Variants in NFX1 observed in about 807,000 individuals in gnomAD.
NFX1 encodes the protein nuclear transcription factor, X-box binding 1, also known as transcriptional repressor NF-X1.
A neutral mutation model predicts 137.2 loss-of-function variants in NFX1; 69 were observed. The observed-to-expected ratio is 0.50, with a 90% CI of 0.41 to 0.61. NFX1 has a LOEUF of 0.61. NFX1 is among the 20% of genes least tolerant of loss of function. NFX1 has a pLI of 0.00. For missense variants in NFX1, 1,167 were observed against 1,391.0 expected (o/e 0.84, Z 2.56); for synonymous variants, 495 against 474.1 (o/e 1.04, Z -0.57).
intron 6 of NFX1, among the ~76,000 whole-genome samples, chr9:33,313,265 A>G (rs1197422050): frequency 6.6e-6 from 1 of 152,114 alleles, no homozygotes; most frequent in African/African-American, 2.4e-5. Flanking sequence ...GAAAGACAGG[A>G]TGGAAAAGAA....
chr9:33,303,016 G>A (rs1251801002), intron 3 of NFX1, among the ~76,000 whole-genome samples, 175 bp from the exon 4 acceptor site: 1 of 142,256 alleles, frequency 7.0e-6, no homozygotes, highest in Non-Finnish European at 1.5e-5. Flanking sequence ...GGAAAATGCT[G>A]TATTCAAGCT....
intron 14 of NFX1, among the ~76,000 whole-genome samples, chr9:33,345,591 T>C (rs934866451): frequency 6.6e-6 from 1 of 152,246 alleles, no homozygotes; most frequent in Non-Finnish European, 1.5e-5. Context: ...TGTGCAAATA[T>C]ATATGTTTGC....
Position 33,342,781 on chromosome 9 carries a change from G to A in NFX1, c.2151G>A (p.Arg717=). Residue 717 remains arginine, a synonymous_variant, in exon 13 of 24, where the codon AGG becomes AGA. Coordinates refer to ENST00000379540, the MANE Select transcript of NFX1 (RefSeq NM_002504.6). Reference sequence around the variant, plus strand: ...ACAAGTGTCCTTTGATTTGTGGGAGGAAACTCCGTTGTGGCCTTCATAGGT... The same window carrying A: ...ACAAGTGTCCTTTGATTTGTGGGAGAAAACTCCGTTGTGGCCTTCATAGGT... The part of the protein sequence containing the change: ...KEHKCPLICG[R]KLRCGLHRCE... 6.2e-7 allele frequency: 1 copy of A among 1,613,800 alleles called. No individual in the cohort carries two copies. Among genetic ancestry groups the A allele is most frequent in the Non-Finnish European group, 8.5e-7 (1 of 1,179,906 alleles).
rs1047910022 is a variant in NFX1 at position 33,336,948 on chromosome 9, A to C, written c.2036-1562A>C. On this transcript the variant is annotated intron_variant, in intron 11 of 23. Transcript: ENST00000379540. ...GAAACCCCGTCTCTACTAAAAATACAAAAAATTAGCCGGCATGGTGGCAGG... is the reference window on the plus strand; with the variant it reads ...GAAACCCCGTCTCTACTAAAAATACCAAAAATTAGCCGGCATGGTGGCAGG... Among the ~76,000 whole-genome samples the C allele has an allele frequency of 7.9e-5, 12 of 152,240 alleles. 1 individual carries two copies. Among genetic ancestry groups the C allele is most frequent in the Admixed American group, 5.2e-4 (8 of 15,296 alleles).
Position 33,338,560 on chromosome 9 carries a change from C to T in NFX1, c.2086C>T (p.Arg696Trp), listed in dbSNP as rs186044438. 1.2e-5 allele frequency: 19 copies of T among 1,600,566 alleles called. No individual in the cohort carries two copies. The highest frequency in any genetic ancestry group is 5.4e-5 in the African/African-American group (4 of 73,786). Residue 696 changes from arginine to tryptophan, a missense_variant, in exon 12 of 24, where the codon CGG (arginine) becomes TGG (tryptophan). Coordinates refer to ENST00000379540, the MANE Select transcript of NFX1 (RefSeq NM_002504.6). ...KRCNKKRLCG[R>W]HKCNEICCVD... is the part of the protein sequence containing the mutation. The stretch of plus-strand genomic sequence containing the variant: ...GTGTAACAAGAAACGGTTGTGTGGA[C>T]GGCATAAATGTAATGAGATATGCTG...
intron 1 of NFX1, among the ~76,000 whole-genome samples, chr9:33,291,675 G>A (rs370398830): frequency 1.4e-4 from 22 of 152,304 alleles, no homozygotes; most frequent in African/African-American, 5.3e-4. Flanking sequence ...AGGCCGAGGT[G>A]GACGGATCAC....
chr9:33,359,409 G>C (rs895843748), intron 19 of NFX1, among the ~76,000 whole-genome samples: 5 of 151,986 alleles, frequency 3.3e-5, no homozygotes, highest in Non-Finnish European at 5.9e-5. Flanking sequence ...GACCAGCCTG[G>C]TCAACATGGT....
At chr9:33,310,469 T>A (rs1004464672) in intron 5 of NFX1, among the ~76,000 whole-genome samples, 2 of 152,228 alleles carry the variant, frequency 1.3e-5, no homozygotes, top group Non-Finnish European at 2.9e-5. Flanking sequence ...TTGGTCTCTA[T>A]AATATAGCTC....
chr9:33,317,419 C>CAAAAAAA (rs761378780), intron 7 of NFX1, among the ~76,000 whole-genome samples: 10 of 54,314 alleles, frequency 1.8e-4, no homozygotes, highest in African/African-American at 3.9e-4. Context: ...GCCCTGTCTC[C>CAAAAAAA]AAAAAAAAAA....
chr9:33,331,855 C>T (rs1435345034), intron 10 of NFX1, among the ~76,000 whole-genome samples: 1 of 152,198 alleles, frequency 6.6e-6, no homozygotes, highest in Non-Finnish European at 1.5e-5. Context: ...TGACTGACTT[C>T]CTTCCCACAC....
chr9:33,351,090 GC>G (rs1054436625), intron 15 of NFX1, among the ~76,000 whole-genome samples: 4 of 152,210 alleles, frequency 2.6e-5, no homozygotes, highest in Non-Finnish European at 5.9e-5. Flanking sequence ...GTTGCAGTGA[GC>G]CCCGAGATTG....
intron 10 of NFX1, 105 bp from the exon 11 acceptor site, chr9:33,332,367 A>C: frequency 9.3e-7 from 1 of 1,079,080 alleles, no homozygotes; most frequent in Non-Finnish European, 1.4e-6. Context: ...CTATCAGAGA[A>C]GTATGGGATA....
intron 19 of NFX1, among the ~76,000 whole-genome samples, chr9:33,360,332 T>C (rs1229524354): frequency 6.6e-6 from 1 of 152,228 alleles, no homozygotes; most frequent in Non-Finnish European, 1.5e-5. Context: ...CTTAAAAATC[T>C]AGAAATGATG....
At position 33,318,793 on chromosome 9, in the gene NFX1, G is replaced by C; in HGVS notation, c.1651G>C (p.Gly551Arg). The C allele has an allele frequency of 5.6e-6, 9 of 1,614,188 alleles. No individual in the cohort carries two copies. The highest frequency in any genetic ancestry group is 7.6e-6 in the Non-Finnish European group (9 of 1,180,040). ...TGGAACCGATGTAGGAAAGTCTGAT[G>C]GATTTGGGGATTTCAGCTGTTTAAA... The part of the protein sequence containing the change: ...LCGTDVGKSD[G>R]FGDFSCLKIC... Residue 551 changes from glycine to arginine, a missense_variant, in exon 8 of 24, where the codon GGA becomes CGA. Physicochemically the swap from Gly to Arg is moderately radical, Grantham distance 125. Around this residue, in one of 3 missense-constraint regions of NFX1, gnomAD observed 488 missense variants for 691.5 expected, o/e 0.71. Coordinates refer to ENST00000379540, the MANE Select transcript of NFX1 (RefSeq NM_002504.6).
In NFX1 at chr9:33,344,097, T is replaced by C; in HGVS notation, c.2253T>C (p.Gly751=). 6.2e-7 allele frequency: 1 copy of C among 1,614,096 alleles called. No individual in the cohort carries two copies. Among genetic ancestry groups the C allele is most frequent in the East Asian group, 2.2e-5 (1 of 44,880 alleles). ...TTGATGAATTAACCTGCCATTGTGG[T>C]GCATCAGTGATTTACCCTCCAGTTC... ...ASFDELTCHC[G]ASVIYPPVPC... The change falls in exon 14 of 24, where the codon GGT becomes GGC. Residue 751 remains glycine, a synonymous_variant. Coordinates refer to ENST00000379540, the MANE Select transcript of NFX1 (RefSeq NM_002504.6).
At chr9:33,297,469 T>C (rs922008019) in intron 2 of NFX1, among the ~76,000 whole-genome samples, 1 of 152,254 alleles carries the variant, frequency 6.6e-6, no homozygotes, top group Non-Finnish European at 1.5e-5. Flanking sequence ...ATTATCACAA[T>C]GTAGTGGCTT....
intron 7 of NFX1, among the ~76,000 whole-genome samples, chr9:33,317,763 C>T (rs937402094): frequency 7.3e-5 from 11 of 151,720 alleles, no homozygotes; most frequent in Middle Eastern, 3.4e-3. Context: ...ATCACCTGAG[C>T]TCAGGAGTTC....
chr9:33,366,964 C>G (rs1022020469), intron 22 of NFX1, among the ~76,000 whole-genome samples, 190 bp downstream of exon 22: 1 of 152,260 alleles, frequency 6.6e-6, no homozygotes, highest in Non-Finnish European at 1.5e-5. Context: ...TATGCCTCGA[C>G]CCACAGGGCA....
intron 7 of NFX1, among the ~76,000 whole-genome samples, chr9:33,317,051 T>C (rs77431195): frequency 6.6e-6 from 1 of 152,206 alleles, no homozygotes. Context: ...ATATTTATTG[T>C]GTTTTCTGAA....
Sources: allele counts gnomAD v4.1 joint callset (sites outside exome capture counted in the v4.1 genomes callset), GRCh38; gene constraint gnomAD v4.1.1; regional missense constraint gnomAD v4.1.1; transcripts MANE v1.5; gene names NCBI Gene and HGNC (gene_info 2026-07-23, HGNC 2026-07-21).